Variants in PTPRQ observed in about 807,000 individuals in gnomAD.
PTPRQ encodes the protein phosphatidylinositol phosphatase PTPRQ.
A neutral mutation model predicts 246.0 loss-of-function variants in PTPRQ; 199 were observed. That is an observed-to-expected ratio of 0.81 (90% CI 0.72 to 0.91). The LOEUF is 0.91. PTPRQ is among the 40% of genes least tolerant of loss of function. The pLI is 0.00. For missense variants in PTPRQ, 2,624 were observed against 2,528.4 expected, an observed-to-expected ratio of 1.04 and a Z score of -0.81; for synonymous variants, 869 against 853.2, an observed-to-expected ratio of 1.02 and a Z score of -0.32.
chr12:80,520,957 A>G (rs1895463517), intron 17 of PTPRQ, among the ~76,000 whole-genome samples: 1 of 151,782 alleles, frequency 6.6e-6, no homozygotes, highest in Non-Finnish European at 1.5e-5. Flanking sequence ...CAATGGTTGA[A>G]CTAGTTTACA....
intron 34 of PTPRQ, among the ~76,000 whole-genome samples, chr12:80,633,075 C>T (rs905046967): frequency 7.9e-5 from 12 of 151,954 alleles, no homozygotes; most frequent in African/African-American, 2.4e-4. Flanking sequence ...CACTTTCGGC[C>T]GGCTGGCAAA....
intron 39 of PTPRQ, among the ~76,000 whole-genome samples, chr12:80,659,574 A>G (rs990745334): frequency 6.6e-6 from 1 of 152,062 alleles, no homozygotes; most frequent in African/African-American, 2.4e-5. Context: ...TAAGAAGAAA[A>G]ACAGACAATT....
intron 17 of PTPRQ, 128 bp from the exon 18 acceptor site, chr12:80,533,887 A>T: frequency 1.5e-6 from 1 of 660,388 alleles, no homozygotes; most frequent in Non-Finnish European, 2.2e-6. Flanking sequence ...GATAACCAAC[A>T]TCTTTTTTCT....
At chr12:80,509,932 A>AT (rs1895075683) in intron 16 of PTPRQ, among the ~76,000 whole-genome samples, 2 of 152,026 alleles carry the variant, frequency 1.3e-5, no homozygotes, top group South Asian at 2.1e-4. Context: ...TGGATGTGTG[A>AT]TTTTTTTCCC....
At chr12:80,549,841 C>T (rs1896419235) in intron 25 of PTPRQ, 107 bp downstream of exon 25, 7 of 1,394,254 alleles carry the variant, frequency 5.0e-6, no homozygotes, top group Non-Finnish European at 6.6e-6. Flanking sequence ...ATACAAAGCA[C>T]ATATTAAAAA....
At chr12:80,619,179 C>A (rs945347131) in intron 30 of PTPRQ, among the ~76,000 whole-genome samples, 4 of 151,526 alleles carry the variant, frequency 2.6e-5, no homozygotes, top group Admixed American at 6.6e-5. Context: ...TCTATTATCT[C>A]AGGGAAGTCT....
chr12:80,513,923 C>G (rs2120728048), intron 17 of PTPRQ, among the ~76,000 whole-genome samples: 2 of 152,280 alleles, frequency 1.3e-5, no homozygotes, highest in East Asian at 3.9e-4. Context: ...AAAGGTACTT[C>G]CACACCCTGC....
chr12:80,506,434 A>C (rs1173152284), intron 15 of PTPRQ, 135 bp from the exon 16 acceptor site: 1 of 838,130 alleles, frequency 1.2e-6, no homozygotes, highest in African/African-American at 1.7e-5. Flanking sequence ...AAGAGCTACT[A>C]TTGCCAAAGA....
At chr12:80,533,690 T>A (rs1895907825) in intron 17 of PTPRQ, among the ~76,000 whole-genome samples, 1 of 152,042 alleles carries the variant, frequency 6.6e-6, no homozygotes, top group Non-Finnish European at 1.5e-5. Context: ...AATGAAAACA[T>A]CAGTATGAAA....
intron 17 of PTPRQ, among the ~76,000 whole-genome samples, chr12:80,517,749 C>A (rs1895348787): frequency 6.6e-6 from 1 of 151,674 alleles, no homozygotes. Context: ...TAAATGAGAA[C>A]ATGTGAAGTT....
In PTPRQ at chr12:80,552,645, T is replaced by TA. The variant is rs1486986901; in HGVS notation, c.4285+2911_4285+2912insA. Among the ~76,000 whole-genome samples, 241 of 76,302 alleles carry TA rather than the reference T, an allele frequency of 3.2e-3. 3 individuals are homozygous for TA. Among genetic ancestry groups the TA allele is most frequent in the East Asian group, 7.0e-3 (12 of 1,714 alleles). The allele number at this position is 76,302 out of a possible 152,430, so 50.1% of individuals were successfully genotyped here. On this transcript the variant is annotated intron_variant, in intron 25 of 44. Transcript: ENST00000644991. Reference sequence around the variant, plus strand: ...TCCAGGTCTTTGTAAAAAAAAAAAATTATATATATATATATATATATATAT... The same window carrying TA: ...TCCAGGTCTTTGTAAAAAAAAAAAATATATATATATATATATATATATATAT...
intron 38 of PTPRQ, among the ~76,000 whole-genome samples, chr12:80,657,681 A>G (rs1900488014): frequency 6.6e-6 from 1 of 151,912 alleles, no homozygotes; most frequent in Non-Finnish European, 1.5e-5. Context: ...GCTGATACGG[A>G]AAGACATAGG....
intron 26 of PTPRQ, among the ~76,000 whole-genome samples, chr12:80,595,135 A>C (rs572571967): frequency 2.8e-4 from 43 of 152,146 alleles, no homozygotes; most frequent in Non-Finnish European, 2.2e-4. Context: ...CTATGTTTTT[A>C]AGTATCTCTT....
In PTPRQ at chr12:80,616,094, T is replaced by A. The variant is rs141360340; in HGVS notation, c.5164-106T>A. ...ATAATCAGTTTTATATATATATATA[T>A]AACTATATATATACATACATATATA... On this transcript the variant is annotated intron_variant, in intron 29 of 44. Transcript: ENST00000644991. The A allele has an allele frequency of 2.6e-5, 15 of 568,166 alleles. No individual in the cohort carries two copies. The African/African-American group carries it at 3.1e-4, about 12-fold the overall frequency. The allele number at this position is 568,166 out of a possible 1,614,324, so 35.2% of individuals were successfully genotyped here.
intron 15 of PTPRQ, 122 bp downstream of exon 15, chr12:80,506,328 G>C (rs1894960029): frequency 1.8e-6 from 2 of 1,134,558 alleles, no homozygotes. Context: ...TTGTCTTTTT[G>C]GTTAAATAAG....
In PTPRQ at chr12:80,592,673, G is replaced by A. The variant is rs139993124; in HGVS notation, c.4609+4221G>A. On this transcript the variant is annotated intron_variant, in intron 26 of 44. Coordinates refer to ENST00000644991, the MANE Select transcript of PTPRQ (RefSeq NM_001145026.2). ...TGTTGCAAACTCAAAAAATAATTTG[G>A]ATGAAGAATATTAATAAGTTTTGTA... Among the ~76,000 whole-genome samples the A allele has an allele frequency of 4.7e-3, 720 of 152,158 alleles. 4 individuals are homozygous for A. Among genetic ancestry groups the A allele is most frequent in the Admixed American group, 7.9e-3 (121 of 15,266 alleles).
chr12:80,671,484 C>T (rs1327303421), intron 42 of PTPRQ, among the ~76,000 whole-genome samples: 1 of 152,048 alleles, frequency 6.6e-6, no homozygotes, highest in Non-Finnish European at 1.5e-5. Context: ...GTACTTTCTC[C>T]TTTTTAGCCT....
intron 17 of PTPRQ, among the ~76,000 whole-genome samples, chr12:80,518,279 T>C (rs7297874): frequency 0.35 from 53,584 of 152,092 alleles, 11,784 homozygotes; most frequent in African/African-American, 0.62. Context: ...ATCTGTATGT[T>C]ATCTTTTGAG....
At chr12:80,464,100 C>T (rs1019415302) in intron 6 of PTPRQ, among the ~76,000 whole-genome samples, 96 of 151,988 alleles carry the variant, frequency 6.3e-4, no homozygotes, top group African/African-American at 2.2e-3. Flanking sequence ...CAAGACCCAT[C>T]AGTGTGTTGT....
Sources: gnomAD v4.1 joint callset for allele counts (sites outside exome capture counted in the v4.1 genomes callset) on GRCh38, gnomAD v4.1.1 for gene constraint, MANE v1.5 for transcripts, NCBI Gene and HGNC (gene_info 2026-07-23, HGNC 2026-07-21) for gene names.